APP: variants seen among roughly 807,000 people sequenced by gnomAD.
APP encodes the protein amyloid-beta precursor protein.
A neutral mutation model predicts 101.4 loss-of-function variants in APP; 31 were observed. That is an observed-to-expected ratio of 0.31 (90% confidence interval 0.23 to 0.41). The LOEUF is 0.41. Ranked by LOEUF, APP falls within the 10% of genes least tolerant of loss-of-function variation. The pLI, the probability that APP is intolerant of heterozygous loss-of-function variation, is 1.00. For synonymous variants in APP, 366 were observed against 364.4 expected (o/e 1.00, Z -0.05); for missense variants, 839 against 1,003.7 (o/e 0.84, Z 2.22).
intron 1 of APP, among the ~76,000 whole-genome samples, chr21:26,164,204 C>A (rs2063558860): frequency 6.6e-6 from 1 of 152,212 alleles, no homozygotes; most frequent in Admixed American, 6.5e-5. Flanking sequence ...GAGATCGCAC[C>A]ACTGCATTCC....
chr21:25,987,341 G>C (rs1033346052), intron 8 of APP, among the ~76,000 whole-genome samples: 1 of 152,116 alleles, frequency 6.6e-6, no homozygotes, highest in African/African-American at 2.4e-5. Flanking sequence ...CAAAAACCTA[G>C]ACTTAAAACG....
intron 8 of APP, among the ~76,000 whole-genome samples, chr21:25,990,648 C>T (rs2042822890): frequency 6.6e-6 from 1 of 152,192 alleles, no homozygotes; most frequent in Admixed American, 6.5e-5. Context: ...GGAGATGGTA[C>T]AGTTAACCTC....
At chr21:26,112,827 T>C (rs1045190959) in intron 1 of APP, among the ~76,000 whole-genome samples, 1 of 152,146 alleles carries the variant, frequency 6.6e-6, no homozygotes, top group Admixed American at 6.5e-5. Flanking sequence ...GGAGCCAACA[T>C]TTTCTCATTT....
At chr21:25,985,628 C>T (rs2042608675) in intron 8 of APP, among the ~76,000 whole-genome samples, 1 of 152,110 alleles carries the variant, frequency 6.6e-6, no homozygotes, top group Non-Finnish European at 1.5e-5. Context: ...GGGACTTAGC[C>T]TCCATAATTG....
At chr21:25,984,377 A>G (rs1463775319) in intron 8 of APP, among the ~76,000 whole-genome samples, 3 of 152,228 alleles carry the variant, frequency 2.0e-5, no homozygotes, top group African/African-American at 7.2e-5. Context: ...CTACAGGAAA[A>G]GCAGTATGTA....
chr21:26,146,231 G>C (rs530854996), intron 1 of APP, among the ~76,000 whole-genome samples: 3 of 152,176 alleles, frequency 2.0e-5, no homozygotes, highest in Non-Finnish European at 4.4e-5. Context: ...AGGTACTCGG[G>C]AGGCTGAGGC....
rs1451085347 is a variant in APP at position 25,894,575 on chromosome 21, CAA to C, written c.2065-2709_2065-2708del. 3.9e-5 allele frequency among the ~76,000 whole-genome samples: 6 copies of C among 152,302 alleles called. No individual in the cohort carries two copies. The East Asian group carries it at 9.6e-4, about 24-fold the overall frequency. ...GTCACAGCAGATGTGGTGGAAATAA[CAA>C]GAGAACTAGAATTAGAAGTGGAGCC... On this transcript the variant is annotated intron_variant, in intron 16 of 17. Coordinates refer to ENST00000346798, the MANE Select transcript of APP (RefSeq NM_000484.4).
intron 6 of APP, among the ~76,000 whole-genome samples, chr21:26,006,282 T>C (rs1601184903): frequency 6.6e-6 from 1 of 152,370 alleles, no homozygotes; most frequent in East Asian, 1.9e-4. Flanking sequence ...AGATCACAAA[T>C]AGCTTTTCTG....
intron 11 of APP, among the ~76,000 whole-genome samples, chr21:25,960,586 A>G (rs1270102549): frequency 6.6e-6 from 1 of 152,154 alleles, no homozygotes; most frequent in Non-Finnish European, 1.5e-5. Flanking sequence ...GGAGGCCTGC[A>G]TTAGTGAGAT....
chr21:26,060,054 A>G (rs189853511), intron 3 of APP, among the ~76,000 whole-genome samples: 5 of 152,284 alleles, frequency 3.3e-5, no homozygotes, highest in Non-Finnish European at 7.3e-5. Flanking sequence ...TGCTCAATAA[A>G]TTATATTAAT....
chr21:26,082,444 G>A (rs777773821), intron 3 of APP, among the ~76,000 whole-genome samples: 3 of 151,836 alleles, frequency 2.0e-5, no homozygotes, highest in Non-Finnish European at 2.9e-5. Flanking sequence ...ATACATAAAA[G>A]CAATATACAT....
At chr21:25,947,048 T>C (rs1569091788) in intron 13 of APP, among the ~76,000 whole-genome samples, 1 of 152,228 alleles carries the variant, frequency 6.6e-6, no homozygotes, top group Non-Finnish European at 1.5e-5. Context: ...TTCCTAAAAT[T>C]ATGGAGTAGA....
chr21:26,145,295 T>C (rs2063130984), intron 1 of APP, among the ~76,000 whole-genome samples: 6 of 151,882 alleles, frequency 4.0e-5, no homozygotes. Context: ...ATCCATGGGG[T>C]GTTGGGGGTG....
chr21:25,881,855 G>A lies in APP; in HGVS notation c.2212-84C>T. On this transcript the variant is annotated intron_variant, in intron 17 of 17. Coordinates refer to ENST00000346798, the MANE Select transcript of APP (RefSeq NM_000484.4). ...TGGAGAAGCAGTAAAAAGATAAGGA[G>A]TACAGTACTCTTCTTTTGCCAAGAT... is the stretch of plus-strand genomic sequence containing the variant. 3.0e-6 allele frequency: 4 copies of A among 1,334,822 alleles called. 1 individual carries two copies. In the South Asian group the frequency reaches 3.6e-5, roughly 12 times the overall value. 82.7% of individuals were successfully genotyped at this position (1,334,822 alleles called of 1,614,324 possible).
intron 10 of APP, 94 bp downstream of exon 10, chr21:25,975,860 C>T (rs535753281): frequency 4.1e-5 from 40 of 964,512 alleles, no homozygotes; most frequent in East Asian, 2.9e-4. Context: ...AACAATCACA[C>T]GTGAGGTGCT....
At chr21:26,059,890 CAAAAAAAAAAAAAAAAAAAAAA>C (rs57594630) in intron 3 of APP, among the ~76,000 whole-genome samples, 6 of 70,660 alleles carry the variant, frequency 8.5e-5, no homozygotes, top group East Asian at 5.5e-4. Flanking sequence ...GACTCCGTCT[CAAAAAAAAAAAAAAAAAAAAAA>C]AAAAAAAAAA....
At chr21:25,973,943 TAAAAAAAAAAA>T (rs369334912) in intron 11 of APP, among the ~76,000 whole-genome samples, 2 of 111,142 alleles carry the variant, frequency 1.8e-5, no homozygotes, top group African/African-American at 7.6e-5. Flanking sequence ...CCATCTCATT[TAAAAAAAAAAA>T]AAAAAAAAAA....
At chr21:26,033,168 T>C (rs540191204) in intron 5 of APP, among the ~76,000 whole-genome samples, 1 of 152,304 alleles carries the variant, frequency 6.6e-6, no homozygotes, top group South Asian at 2.1e-4. Flanking sequence ...CATCTTGAAT[T>C]GTAATCCTCA....
In APP at chr21:26,089,925, C is replaced by A. The variant is rs2061786802; in HGVS notation, c.355+18G>T. On this transcript the variant is annotated intron_variant, in intron 3 of 17. Coordinates refer to ENST00000346798, the MANE Select transcript of APP (RefSeq NM_000484.4). ...CCAGGCCCCCAATCAACACCAGCCC[C>A]ACGGCCGGCCGGCTCACCTAAGCAG... The A allele has an allele frequency of 1.2e-6, 2 of 1,613,710 alleles. No homozygotes were observed. Among genetic ancestry groups the A allele is most frequent in the African/African-American group, 2.7e-5 (2 of 74,896 alleles).
Sources: gnomAD v4.1 joint callset for allele counts (sites outside exome capture counted in the v4.1 genomes callset) on GRCh38, gnomAD v4.1.1 for gene constraint, MANE v1.5 for transcripts, NCBI Gene and HGNC (gene_info 2026-07-23, HGNC 2026-07-21) for gene names.